Variants in ARFGEF2 observed in about 807,000 individuals in gnomAD.
ARFGEF2 encodes brefeldin A-inhibited guanine nucleotide-exchange protein 2.
A neutral mutation model predicts 219.9 loss-of-function variants in ARFGEF2; 74 were observed. The ratio of observed to expected loss-of-function variants is 0.34; its 90% CI spans 0.28 to 0.41. The LOEUF is 0.41. ARFGEF2 is among the 10% of genes least tolerant of loss of function. The pLI is 1.00. For synonymous variants in ARFGEF2, 733 were observed against 799.2 expected, an observed-to-expected ratio of 0.92 and a Z score of 1.40; for missense variants, 1,743 against 2,218.3, an observed-to-expected ratio of 0.79 and a Z score of 4.30.
chr20:48,922,532 C>T (rs1436128193), intron 1 of ARFGEF2, among the ~76,000 whole-genome samples: 2 of 152,240 alleles, frequency 1.3e-5, no homozygotes, highest in Admixed American at 6.5e-5. Flanking sequence ...TGTTCTGGAT[C>T]TCCCAGGCAT....
At chr20:48,950,806 AAAAAAATATATAT>A (rs1206617385) in intron 3 of ARFGEF2, among the ~76,000 whole-genome samples, 4 of 43,390 alleles carry the variant, frequency 9.2e-5, no homozygotes, top group African/African-American at 4.0e-4. Flanking sequence ...AAAAAAAAAA[AAAAAAATATATAT>A]ATATATATAT....
intron 1 of ARFGEF2, among the ~76,000 whole-genome samples, chr20:48,936,254 A>G (rs1247942806): frequency 8.8e-6 from 1 of 113,354 alleles, no homozygotes; most frequent in Non-Finnish European, 1.8e-5. Context: ...CGGGGGGCTG[A>G]CCCCCCCACC....
In ARFGEF2 at chr20:48,988,531, A is replaced by G. The variant is rs781706750; in HGVS notation, c.2402A>G (p.Asn801Ser). 6.2e-7 allele frequency: 1 copy of G among 1,613,684 alleles called. No individual in the cohort carries two copies. The highest frequency in any genetic ancestry group is 8.5e-7 in the Non-Finnish European group (1 of 1,179,718). ...KMTKEQYIKM[N>S]RGINDSKDLP... ...ACGAAAGAGCAGTATATTAAAATGA[A>G]TCGGGGTATCAATGATAGTAAAGAT... Residue 801 changes from asparagine to serine, a missense_variant, in exon 18 of 39, where the codon AAT becomes AGT. Around this residue, in one of 5 missense-constraint regions of ARFGEF2, gnomAD observed 666 missense variants for 955.4 expected, o/e 0.70. Coordinates refer to ENST00000371917, the MANE Select transcript of ARFGEF2 (RefSeq NM_006420.3).
chr20:48,950,220 A>G (rs558262708), intron 3 of ARFGEF2, among the ~76,000 whole-genome samples: 26 of 152,242 alleles, frequency 1.7e-4, no homozygotes, highest in African/African-American at 6.0e-4. Flanking sequence ...GGTGACACAC[A>G]CTACTATTGA....
rs773352433 is a variant in ARFGEF2 at position 48,951,305 on chromosome 20, T to C, written c.277-18T>C. Reference sequence around the variant, plus strand: ...TAGCCAAGCAGAAATGTATAATCTCTGTTCTTTCTCTCTTTAGAAACTCAT... The same window carrying C: ...TAGCCAAGCAGAAATGTATAATCTCCGTTCTTTCTCTCTTTAGAAACTCAT... On this transcript the variant is annotated intron_variant, in intron 3 of 38. Transcript: ENST00000371917. 13 of 1,613,722 alleles carry C rather than the reference T, an allele frequency of 8.1e-6. No individual in the cohort carries two copies. In the South Asian group the frequency reaches 1.3e-4, roughly 16 times the overall value.
intron 21 of ARFGEF2, among the ~76,000 whole-genome samples, chr20:48,993,437 G>A (rs188728496): frequency 9.2e-5 from 14 of 152,280 alleles, no homozygotes; most frequent in Admixed American, 3.9e-4. Context: ...TCTCTTTGGT[G>A]GAATTAAGTC....
chr20:49,020,903 G>A (rs996021372), intron 34 of ARFGEF2, among the ~76,000 whole-genome samples: 2 of 152,152 alleles, frequency 1.3e-5, no homozygotes, highest in Non-Finnish European at 2.9e-5. Flanking sequence ...AGGGAACAGT[G>A]CCTTTGCTGC....
rs771654087 is a variant in ARFGEF2 at position 48,972,398 on chromosome 20, A to G, written c.1498A>G (p.Ile500Val). The G allele has an allele frequency of 9.3e-6, 15 of 1,613,984 alleles. No homozygotes were observed. The highest frequency in any genetic ancestry group is 1.3e-5 in the Non-Finnish European group (15 of 1,179,946). Residue 500 changes from isoleucine to valine, a missense_variant, in exon 11 of 39, where the codon ATT (isoleucine) becomes GTT (valine). Ile to Val is a conservative substitution (Grantham distance 29, BLOSUM62 3). This residue lies in a region of ARFGEF2 where 666 missense variants were observed against 955.4 expected (regional missense o/e 0.70). Coordinates refer to ENST00000371917, the MANE Select transcript of ARFGEF2 (RefSeq NM_006420.3). The stretch of plus-strand genomic sequence containing the variant: ...TTCTTTTGAGCACAGGTGGATGGTC[A>G]TTCAGACTCTGACGAGGATCTGTGC... ...TSSFEHRWMV[I>V]QTLTRICADA...
intron 36 of ARFGEF2, among the ~76,000 whole-genome samples, chr20:49,028,279 G>A (rs918409165): frequency 1.3e-5 from 2 of 151,912 alleles, no homozygotes; most frequent in Non-Finnish European, 2.9e-5. Context: ...AAATTAGCCA[G>A]GCATGGTGGC....
intron 6 of ARFGEF2, among the ~76,000 whole-genome samples, chr20:48,956,627 G>C (rs913879449): frequency 1.3e-5 from 2 of 152,068 alleles, no homozygotes; most frequent in African/African-American, 4.8e-5. Flanking sequence ...AGGCTGTAGT[G>C]CAGTGGTGAG....
At position 49,034,550 on chromosome 20, in the gene ARFGEF2, C is replaced by T. The variant is rs1312823957; in HGVS notation, c.*1351C>T. On this transcript the variant is annotated 3_prime_UTR_variant, in exon 39 of 39. Coordinates refer to ENST00000371917, the MANE Select transcript of ARFGEF2 (RefSeq NM_006420.3). The stretch of plus-strand genomic sequence containing the variant: ...CCTCATTCTCTGCCCTCACCCACTG[C>T]TCACCTAGAGCATCGCTGAGCGTTA... 1.3e-5 allele frequency: 2 copies of T among 152,204 alleles called. No individual in the cohort carries two copies. Among genetic ancestry groups the T allele is most frequent in the Non-Finnish European group, 2.9e-5 (2 of 68,050 alleles). The allele number at this position is 152,204 out of a possible 1,614,324, so 9.4% of individuals were successfully genotyped here.
At chr20:48,954,276 T>G (rs748364753) in intron 6 of ARFGEF2, among the ~76,000 whole-genome samples, 5 of 152,210 alleles carry the variant, frequency 3.3e-5, no homozygotes, top group Admixed American at 6.5e-5. Context: ...GTTTTCTTCT[T>G]CTGGTGACCA....
At chr20:49,009,930 G>T (rs1482546298) in intron 26 of ARFGEF2, among the ~76,000 whole-genome samples, 2 of 152,164 alleles carry the variant, frequency 1.3e-5, no homozygotes, top group Non-Finnish European at 2.9e-5. Flanking sequence ...TTCAACTTTG[G>T]TTCCATGGCC....
At chr20:48,976,739 C>T (rs955383784) in intron 14 of ARFGEF2, among the ~76,000 whole-genome samples, 22 of 152,104 alleles carry the variant, frequency 1.4e-4, no homozygotes, top group African/African-American at 4.1e-4. Flanking sequence ...ACCTGGGAGG[C>T]GGAGCTTGCA....
chr20:49,012,182 T>C, intron 28 of ARFGEF2, 98 bp downstream of exon 28: 2 of 1,513,722 alleles, frequency 1.3e-6, no homozygotes, highest in Non-Finnish European at 1.8e-6. Context: ...GCTACTCTTT[T>C]AGAAATGTGT....
intron 1 of ARFGEF2, among the ~76,000 whole-genome samples, chr20:48,933,351 G>A (rs188845307): frequency 4.6e-5 from 7 of 152,278 alleles, no homozygotes; most frequent in African/African-American, 2.4e-5. Context: ...CTGCCTGGGC[G>A]TGGATCCTGA....
Position 48,971,277 on chromosome 20 carries a change from G to A in ARFGEF2, c.1348G>A (p.Asp450Asn). Residue 450 changes from aspartate to asparagine, a missense_variant, in exon 10 of 39, where the codon GAT becomes AAT. Asp to Asn is a conservative substitution (Grantham distance 23, BLOSUM62 1). Coordinates refer to ENST00000371917, the MANE Select transcript of ARFGEF2 (RefSeq NM_006420.3). ...LSKNGVSSVP[D>N]VFELSLAIFL... ...CAAAAACGGCGTCTCTTCAGTGCCT[G>A]ATGTCTTTGAGCTCTCTCTTGCCAT... The A allele has an allele frequency of 6.2e-7, 1 of 1,614,150 alleles. No homozygotes were observed. Among genetic ancestry groups the A allele is most frequent in the South Asian group, 1.1e-5 (1 of 91,082 alleles).
At position 48,991,317 on chromosome 20, in the gene ARFGEF2, G is replaced by T; in HGVS notation, c.2973+119G>T. The T allele has an allele frequency of 2.2e-6, 3 of 1,388,308 alleles. No homozygotes were observed. In the South Asian group the frequency reaches 3.5e-5, roughly 16 times the overall value. The allele number at this position is 1,388,308 out of a possible 1,614,324, so 86.0% of individuals were successfully genotyped here. ...TTGAAGTCAAATCACTGTACCTCAT[G>T]TATCTGGAAGTCACCCTCTCTGGGG... On this transcript the variant is annotated intron_variant, in intron 21 of 38. Coordinates refer to ENST00000371917, the MANE Select transcript of ARFGEF2 (RefSeq NM_006420.3).
intron 8 of ARFGEF2, among the ~76,000 whole-genome samples, chr20:48,968,879 T>G (rs2091207635): frequency 6.6e-6 from 1 of 152,098 alleles, no homozygotes; most frequent in South Asian, 2.1e-4. Flanking sequence ...ATCCCTCATC[T>G]CTCTATTAAA....
Sources: gnomAD v4.1 joint callset for allele counts (sites outside exome capture counted in the v4.1 genomes callset) on GRCh38, gnomAD v4.1.1 for gene constraint, gnomAD v4.1.1 regional missense constraint, MANE v1.5 for transcripts, NCBI Gene and HGNC (gene_info 2026-07-23, HGNC 2026-07-21) for gene names.